TRAPPC9: variants seen among roughly 807,000 people sequenced by gnomAD.
TRAPPC9 encodes the protein trafficking protein particle complex subunit 9, also known as IKK2 binding protein.
In TRAPPC9, 83 loss-of-function variants were observed where a neutral mutation model predicts 124.0. The ratio of observed to expected loss-of-function variants is 0.67; its 90% CI spans 0.56 to 0.80. The LOEUF (loss-of-function observed/expected upper bound fraction) is 0.80. Among genes scored for constraint, TRAPPC9 ranks in the 30% least tolerant of loss-of-function variants. The pLI is 0.00. For missense variants in TRAPPC9, 1,302 were observed against 1,508.3 expected (o/e 0.86, Z 2.27); for synonymous variants, 638 against 617.5 (o/e 1.03, Z -0.49).
Position 139,744,373 on chromosome 8 carries a change from G to A in TRAPPC9, c.3056-12171C>T, listed in dbSNP as rs186864682. Among the ~76,000 whole-genome samples, 11 of 134,324 alleles carry A rather than the reference G, an allele frequency of 8.2e-5. No individual in the cohort carries two copies. In the East Asian group the frequency reaches 2.1e-3, roughly 26 times the overall value. The allele number at this position is 134,324 out of a possible 152,430, so 88.1% of individuals were successfully genotyped here. ...TGCTCCTTTCCACCACCCCTTCCCC[G>A]CTTCCAGACCCTGACTGCTGGGAAG... On this transcript the variant is annotated intron_variant, in intron 21 of 22. Transcript: ENST00000438773.
At chr8:139,909,444 A>G (rs62526977) in intron 20 of TRAPPC9, among the ~76,000 whole-genome samples, 23,939 of 152,080 alleles carry the variant, frequency 0.16, 2,327 homozygotes, top group East Asian at 0.39. Flanking sequence ...CAATTCCCAG[A>G]GGACACATCC....
intron 21 of TRAPPC9, among the ~76,000 whole-genome samples, chr8:139,737,348 G>A (rs1818244229): frequency 1.3e-5 from 2 of 152,138 alleles, no homozygotes; most frequent in African/African-American, 4.8e-5. Flanking sequence ...GCAGCAGCCC[G>A]GCCGGCTGGT....
intron 21 of TRAPPC9, among the ~76,000 whole-genome samples, chr8:139,796,145 AGAGGAGGAGGAAGAGGAGGAG>A (rs1823075383): frequency 7.1e-6 from 1 of 141,772 alleles, no homozygotes; most frequent in African/African-American, 2.6e-5. Context: ...AGGAGGAGGA[AGAGGAGGAGGAAGAGGAGGAG>A]GAGGAGGAGA....
At chr8:139,899,821 C>G (rs575651118) in intron 20 of TRAPPC9, among the ~76,000 whole-genome samples, 2 of 152,226 alleles carry the variant, frequency 1.3e-5, no homozygotes, top group Non-Finnish European at 2.9e-5. Flanking sequence ...AACTCGACAC[C>G]CTTTAAAGGC....
At chr8:140,164,290 A>G (rs2061797028) in intron 17 of TRAPPC9, among the ~76,000 whole-genome samples, 1 of 152,166 alleles carries the variant, frequency 6.6e-6, no homozygotes, top group Non-Finnish European at 1.5e-5. Flanking sequence ...TCTGCCCATA[A>G]ACTCTATAGA....
At chr8:140,232,453 G>C (rs1399469813) in intron 16 of TRAPPC9, among the ~76,000 whole-genome samples, 1 of 152,084 alleles carries the variant, frequency 6.6e-6, no homozygotes, top group Non-Finnish European at 1.5e-5. Flanking sequence ...CCCTAGCCCG[G>C]AGCAGAGTCA....
intron 17 of TRAPPC9, among the ~76,000 whole-genome samples, chr8:140,195,784 T>C (rs533149828): frequency 5.9e-4 from 88 of 149,916 alleles, no homozygotes; most frequent in African/African-American, 1.3e-3. Context: ...CTAAAACACA[T>C]TGAACAATTC....
chr8:140,099,331 C>G (rs1320001233), intron 17 of TRAPPC9: 1 of 151,380 alleles, frequency 6.6e-6, no homozygotes, highest in Non-Finnish European at 1.5e-5. Context: ...GCAGTAGTGC[C>G]GCAATCCGCA....
chr8:140,282,463 A>T (rs1382878413), intron 14 of TRAPPC9, among the ~76,000 whole-genome samples: 2 of 149,972 alleles, frequency 1.3e-5, no homozygotes, highest in Non-Finnish European at 2.9e-5. Flanking sequence ...AGATTGCGCC[A>T]CTGCACTCCA....
chr8:139,780,671 G>C (rs931815953), intron 21 of TRAPPC9, among the ~76,000 whole-genome samples: 5 of 152,020 alleles, frequency 3.3e-5, no homozygotes, highest in African/African-American at 1.2e-4. Flanking sequence ...AGAAAGAACT[G>C]GTAAGCTGGA....
chr8:139,989,950 C>T (rs772630457), intron 18 of TRAPPC9, among the ~76,000 whole-genome samples: 79 of 152,118 alleles, frequency 5.2e-4, no homozygotes, highest in Non-Finnish European at 8.5e-4. Flanking sequence ...GCTGCACCCA[C>T]GACAGGACAG....
At chr8:139,807,250 A>G (rs548837858) in intron 21 of TRAPPC9, among the ~76,000 whole-genome samples, 1 of 152,304 alleles carries the variant, frequency 6.6e-6, no homozygotes, top group East Asian at 1.9e-4. Flanking sequence ...ATTGTTGCCA[A>G]GGCCACAGCG....
intron 19 of TRAPPC9, among the ~76,000 whole-genome samples, chr8:139,934,814 G>C (rs1016659152): frequency 6.6e-6 from 1 of 152,188 alleles, no homozygotes; most frequent in African/African-American, 2.4e-5. Flanking sequence ...GGACAGCGCT[G>C]GCCAAAGGAC....
chr8:139,794,312 C>A (rs1286136229), intron 21 of TRAPPC9, among the ~76,000 whole-genome samples: 2 of 152,220 alleles, frequency 1.3e-5, no homozygotes, highest in Non-Finnish European at 2.9e-5. Context: ...TCAGAAGCTG[C>A]CCGCACTTGT....
chr8:139,809,874 G>A (rs539517567), intron 21 of TRAPPC9, among the ~76,000 whole-genome samples: 8 of 152,258 alleles, frequency 5.3e-5, no homozygotes, highest in African/African-American at 1.9e-4. Flanking sequence ...ATTCCTGAGC[G>A]GCAGGATACT....
intron 21 of TRAPPC9, among the ~76,000 whole-genome samples, chr8:139,771,910 G>C (rs1820992096): frequency 6.6e-6 from 1 of 152,192 alleles, no homozygotes; most frequent in Non-Finnish European, 1.5e-5. Context: ...TGCCGAGAGA[G>C]GGAACAGGGA....
chr8:140,434,703 GCTCACGC>G (rs2070751122), intron 4 of TRAPPC9, among the ~76,000 whole-genome samples: 2 of 152,330 alleles, frequency 1.3e-5, no homozygotes, highest in African/African-American at 4.8e-5. Context: ...GGGCATGGTG[GCTCACGC>G]CTGTAATCCC....
At chr8:139,859,002 C>G (rs369781487) in intron 21 of TRAPPC9, among the ~76,000 whole-genome samples, 5 of 150,750 alleles carry the variant, frequency 3.3e-5, no homozygotes, top group Admixed American at 3.3e-4. Flanking sequence ...TGAGATGTCA[C>G]GTCTTCATGG....
chr8:139,822,581 C>T (rs1348045137), intron 21 of TRAPPC9, among the ~76,000 whole-genome samples: 1 of 152,068 alleles, frequency 6.6e-6, no homozygotes, highest in Non-Finnish European at 1.5e-5. Flanking sequence ...TGGCCTCCCT[C>T]AAGGAGAGGA....
Sources: gnomAD v4.1 joint callset for allele counts (sites outside exome capture counted in the v4.1 genomes callset) on GRCh38, gnomAD v4.1.1 for gene constraint, MANE v1.5 for transcripts, NCBI Gene and HGNC (gene_info 2026-07-23, HGNC 2026-07-21) for gene names.